The following ASTN2 variants were observed in gnomAD, a reference collection of about 807,000 sequenced individuals.
ASTN2 encodes astrotactin-2.
A neutral mutation model predicts 139.8 loss-of-function variants in ASTN2; 54 were observed. The observed-to-expected ratio is 0.39, with a 90% confidence interval of 0.31 to 0.48. ASTN2 has a LOEUF of 0.48. ASTN2 is among the 20% of genes least tolerant of loss of function. ASTN2 has a pLI of 0.95. For missense variants in ASTN2, 1,565 were observed against 1,725.1 expected, an observed-to-expected ratio of 0.91 and a Z score of 1.64; for synonymous variants, 756 against 719.5, an observed-to-expected ratio of 1.05 and a Z score of -0.81.
chr9:117,095,244 T>C (rs1304536601), intron 5 of ASTN2, among the ~76,000 whole-genome samples: 4 of 152,220 alleles, frequency 2.6e-5, no homozygotes. Context: ...AACTGGCTGC[T>C]TTCCCATCCT....
chr9:116,485,566 T>C (rs10983190), intron 20 of ASTN2, among the ~76,000 whole-genome samples: 14 of 151,946 alleles, frequency 9.2e-5, no homozygotes, highest in Non-Finnish European at 1.8e-4. Flanking sequence ...GTGTGTAGAG[T>C]TGTGCTCTCA....
chr9:117,030,427 A>T (rs1838214083), intron 6 of ASTN2, among the ~76,000 whole-genome samples: 1 of 152,332 alleles, frequency 6.6e-6, no homozygotes, highest in South Asian at 2.1e-4. Flanking sequence ...ATCTGCTATC[A>T]AAACACAGAA....
At chr9:116,815,276 C>T (rs1306367658) in intron 12 of ASTN2, among the ~76,000 whole-genome samples, 3 of 152,132 alleles carry the variant, frequency 2.0e-5, no homozygotes, top group African/African-American at 7.2e-5. Context: ...TCTCCTTTCC[C>T]TCTTAAAATT....
chr9:117,077,899 C>A (rs932455835), intron 5 of ASTN2, among the ~76,000 whole-genome samples: 3 of 152,206 alleles, frequency 2.0e-5, no homozygotes, highest in African/African-American at 7.2e-5. Flanking sequence ...GGTTATTGTT[C>A]AAATTTTGCT....
intron 12 of ASTN2, among the ~76,000 whole-genome samples, chr9:116,809,778 T>G (rs1386569213): frequency 6.6e-6 from 1 of 152,210 alleles, no homozygotes; most frequent in East Asian, 1.9e-4. Context: ...CAAAGACATC[T>G]TGCATTAACC....
chr9:116,708,026 A>G (rs549679902), intron 16 of ASTN2, among the ~76,000 whole-genome samples: 1 of 152,314 alleles, frequency 6.6e-6, no homozygotes, highest in East Asian at 1.9e-4. Flanking sequence ...AAATTGAATT[A>G]AGTCTTTGGC....
intron 5 of ASTN2, among the ~76,000 whole-genome samples, chr9:117,092,851 T>G (rs983349991): frequency 2.0e-5 from 3 of 152,106 alleles, no homozygotes; most frequent in African/African-American, 7.2e-5. Context: ...AGGAGAGGAC[T>G]GGGATGTTAC....
At chr9:117,330,991 C>T (rs888075536) in intron 1 of ASTN2, among the ~76,000 whole-genome samples, 11 of 152,264 alleles carry the variant, frequency 7.2e-5, no homozygotes, top group African/African-American at 2.6e-4. Context: ...GGCAGAGGGA[C>T]CCTGTGTCCT....
At chr9:116,578,110 G>T (rs1254585497) in intron 19 of ASTN2, among the ~76,000 whole-genome samples, 1 of 152,094 alleles carries the variant, frequency 6.6e-6, no homozygotes, top group Non-Finnish European at 1.5e-5. Context: ...AGGTAATAGG[G>T]GAAGAATGAA....
intron 3 of ASTN2, among the ~76,000 whole-genome samples, chr9:117,169,142 A>C (rs1830733587): frequency 6.6e-6 from 1 of 152,060 alleles, no homozygotes; most frequent in Non-Finnish European, 1.5e-5. Flanking sequence ...AGAGGTTGCT[A>C]ATGGGGGAAT....
chr9:117,268,751 C>G (rs1833993138), intron 2 of ASTN2, among the ~76,000 whole-genome samples: 1 of 152,172 alleles, frequency 6.6e-6, no homozygotes, highest in Non-Finnish European at 1.5e-5. Context: ...AAATCTAACT[C>G]TGCCAGTTCC....
intron 15 of ASTN2, among the ~76,000 whole-genome samples, chr9:116,726,417 ACTT>A (rs1828625803): frequency 6.6e-6 from 1 of 152,200 alleles, no homozygotes; most frequent in South Asian, 2.1e-4. Flanking sequence ...GTTATCTTGA[ACTT>A]CCAGGTAGAG....
At chr9:117,016,617 TATCTATCTATA>T (rs1837693391) in intron 6 of ASTN2, among the ~76,000 whole-genome samples, 1 of 3,950 alleles carries the variant, frequency 2.5e-4, no homozygotes, top group Non-Finnish European at 5.5e-4. Flanking sequence ...TATCTATATC[TATCTATCTATA>T]TATATATATA....
intron 13 of ASTN2, among the ~76,000 whole-genome samples, chr9:116,766,718 T>C (rs1829819564): frequency 1.3e-5 from 2 of 150,680 alleles, no homozygotes; most frequent in Admixed American, 1.3e-4. Flanking sequence ...TAAACAGTCA[T>C]ATCACACACA....
intron 10 of ASTN2, among the ~76,000 whole-genome samples, chr9:116,941,989 T>TAAAAAAAAAAA (rs34288493): frequency 7.3e-6 from 1 of 136,122 alleles, no homozygotes; most frequent in Non-Finnish European, 1.6e-5. Context: ...CTAGATAAGC[T>TAAAAAAAAAAA]AAAAAAAAAA....
At chr9:116,824,679 A>T (rs1394053536) in intron 11 of ASTN2, among the ~76,000 whole-genome samples, 1 of 152,228 alleles carries the variant, frequency 6.6e-6, no homozygotes, top group East Asian at 1.9e-4. Flanking sequence ...GGGATAATAA[A>T]TACTTTTTGT....
In ASTN2 at chr9:117,133,486, G is replaced by A. The variant is rs140586886; in HGVS notation, c.1168+7840C>T. On this transcript the variant is annotated intron_variant, in intron 4 of 22. Transcript: ENST00000313400. ...TGGGGACACTGAGGCCCAGAGAGTGGAAGGTCTTGTCCAAGATCATGAAGC... is the reference window on the plus strand; with the variant it reads ...TGGGGACACTGAGGCCCAGAGAGTGAAAGGTCTTGTCCAAGATCATGAAGC... Among the ~76,000 whole-genome samples the A allele has an allele frequency of 2.0e-3, 308 of 152,282 alleles. 4 individuals carry two copies. The highest frequency in any genetic ancestry group is 7.2e-3 in the African/African-American group (298 of 41,558).
At chr9:116,608,467 A>C (rs193250298) in intron 19 of ASTN2, among the ~76,000 whole-genome samples, 1 of 152,326 alleles carries the variant, frequency 6.6e-6, no homozygotes, top group African/African-American at 2.4e-5. Context: ...TTAGCCCTAG[A>C]CTAAACACTG....
Position 117,096,055 on chromosome 9 carries a change from C to T in ASTN2, c.1265G>A (p.Arg422His), listed in dbSNP as rs550794735. 71 of 1,613,898 alleles carry T rather than the reference C, an allele frequency of 4.4e-5. No homozygotes were observed. The highest frequency in any genetic ancestry group is 2.9e-4 in the African/African-American group (22 of 75,004). ...AAGGACACTATTACCTTTGCTGCGG[C>T]GGCGACTGCGGTACTGCTCCGTGTA... ...TFYTEQYRSRRRSKGLLKSPV... is the reference protein window; with the variant it reads ...TFYTEQYRSRHRSKGLLKSPV... Residue 422 changes from arginine (R) to histidine (H), a missense_variant, in exon 5 of 23, where the codon CGC becomes CAC. Arg to His is a conservative substitution (Grantham distance 29, BLOSUM62 0). Transcript: ENST00000313400.
Sources: gnomAD v4.1 joint callset for allele counts (sites outside exome capture counted in the v4.1 genomes callset) on GRCh38, gnomAD v4.1.1 for gene constraint, MANE v1.5 for transcripts, NCBI Gene and HGNC (gene_info 2026-07-23, HGNC 2026-07-21) for gene names.